Variants in HIPK1 observed in about 807,000 individuals in gnomAD.
HIPK1 encodes the protein homeodomain interacting protein kinase 1.
In HIPK1, 28 loss-of-function variants were observed where a neutral mutation model predicts 117.1. The ratio of observed to expected loss-of-function variants is 0.24; its 90% CI spans 0.18 to 0.33. The LOEUF is 0.33. HIPK1 is among the 10% of genes least tolerant of loss of function. HIPK1 has a pLI of 1.00. For synonymous variants in HIPK1, 605 were observed against 562.5 expected (o/e 1.08, Z -1.07); for missense variants, 1,122 against 1,475.1 (o/e 0.76, Z 3.92).
intron 1 of HIPK1, 156 bp downstream of exon 1, chr1:113,929,688 C>T: frequency 1.2e-6 from 1 of 860,418 alleles, no homozygotes; most frequent in Non-Finnish European, 1.5e-6. Context: ...AGCAGGAGGC[C>T]GAGGCGGGAG....
At chr1:113,969,720 C>T (rs745415838) in intron 13 of HIPK1, among the ~76,000 whole-genome samples, 7 of 151,868 alleles carry the variant, frequency 4.6e-5, no homozygotes, top group Non-Finnish European at 8.8e-5. Flanking sequence ...GACCAGCCTG[C>T]GAAACATAGT....
At chr1:113,952,040 G>A (rs769784672) in intron 2 of HIPK1, among the ~76,000 whole-genome samples, 34 of 147,380 alleles carry the variant, frequency 2.3e-4, no homozygotes, top group Non-Finnish European at 4.6e-4. Context: ...CTGGGTTCAA[G>A]CGATTCTTTT....
In HIPK1 at chr1:113,956,535, T is replaced by C. The variant is rs935105540; in HGVS notation, c.1408-92T>C. ...CAGGTTTCTCTTTTGATTACATATA[T>C]ACACACACACATAGTTTGGAGGGAA... On this transcript the variant is annotated intron_variant, in intron 5 of 15. Coordinates refer to ENST00000426820, the MANE Select transcript of HIPK1 (RefSeq NM_198268.3). 9.8e-6 allele frequency: 8 copies of C among 820,054 alleles called. No homozygotes were observed. In the South Asian group the frequency reaches 1.1e-4, roughly 11 times the overall value. The allele number at this position is 820,054 out of a possible 1,614,324, so 50.8% of individuals were successfully genotyped here. A position where few individuals can be genotyped will look rare whatever the true frequency, so the allele number is the denominator to read the frequency against.
At chr1:113,962,117 T>C (rs937585936) in intron 8 of HIPK1, among the ~76,000 whole-genome samples, 200 bp from the exon 9 acceptor site, 10 of 152,156 alleles carry the variant, frequency 6.6e-5, no homozygotes, top group African/African-American at 2.4e-4. Context: ...TCAAACATCT[T>C]TCCATTAACC....
chr1:113,962,233 A>G, intron 8 of HIPK1, 84 bp from the exon 9 acceptor site: 7 of 1,387,020 alleles, frequency 5.0e-6, no homozygotes, highest in Non-Finnish European at 7.0e-6. Context: ...GATTATTTGA[A>G]CAGAGAAGCT....
chr1:113,964,381 C>T lies in HIPK1; in HGVS notation c.2238+860C>T, dbSNP rs570985579. Among the ~76,000 whole-genome samples the T allele has an allele frequency of 1.6e-3, 244 of 152,264 alleles. 1 individual carries two copies. The highest frequency in any genetic ancestry group is 5.6e-3 in the African/African-American group (234 of 41,550). On this transcript the variant is annotated intron_variant, in intron 10 of 15. Transcript: ENST00000426820. ...GTACTGGGCTTAGAGATAGAAAAAA[C>T]AACCAAGACTTTGAGGTGTGTTTCA... is the stretch of plus-strand genomic sequence containing the variant.
rs1391219893 is a variant in HIPK1 at position 113,974,031 on chromosome 1, G to A, written c.*519G>A. On this transcript the variant is annotated 3_prime_UTR_variant, in exon 16 of 16. Coordinates refer to ENST00000426820, the MANE Select transcript of HIPK1 (RefSeq NM_198268.3). ...ACTTGCCTATTTTATTTTAAAAGCG[G>A]CTTACACAATCTCCCTTTTGTTTAT... 2.6e-5 allele frequency: 4 copies of A among 152,370 alleles called. No homozygotes were observed. The highest frequency in any genetic ancestry group is 1.5e-5 in the Non-Finnish European group (1 of 68,078). 9.4% of individuals were successfully genotyped at this position (152,370 alleles called of 1,614,324 possible).
rs1672603575 is a variant in HIPK1 at position 113,968,491 on chromosome 1, A to G, written c.2614A>G (p.Ser872Gly). ...PSQVYSLVGS[S>G]PLRTTSSYNS... is the part of the protein sequence containing the mutation. ...CCAAGTCTATTCTCTGGTTGGGAGC[A>G]GTCCCCTCCGCACCACATCTTCTTA... is the stretch of plus-strand genomic sequence containing the variant. The change falls in exon 13 of 16, where the codon AGT (serine) becomes GGT (glycine). Residue 872 changes from serine (S) to glycine (G), a missense_variant. Ser to Gly is a moderately conservative substitution (Grantham distance 56, BLOSUM62 0). This residue lies in a region of HIPK1 where 731 missense variants were observed against 860.4 expected (regional missense o/e 0.85). Transcript: ENST00000426820. The G allele has an allele frequency of 6.2e-7, 1 of 1,614,030 alleles. No individual in the cohort carries two copies. Among genetic ancestry groups the G allele is most frequent in the African/African-American group, 1.3e-5 (1 of 74,936 alleles).
chr1:113,943,274 C>T (rs866249759), intron 2 of HIPK1, among the ~76,000 whole-genome samples: 1 of 152,196 alleles, frequency 6.6e-6, no homozygotes, highest in Non-Finnish European at 1.5e-5. Flanking sequence ...AACCATTAAG[C>T]AATAACTCCC....
At chr1:113,952,916 A>G in intron 3 of HIPK1, 27 bp downstream of exon 3, 1 of 1,456,568 alleles carries the variant, frequency 6.9e-7, no homozygotes. Flanking sequence ...GAATGGAAAT[A>G]GAATGCAAAT....
At chr1:113,948,388 A>T (rs1468238369) in intron 2 of HIPK1, among the ~76,000 whole-genome samples, 2 of 151,978 alleles carry the variant, frequency 1.3e-5, no homozygotes, top group Admixed American at 1.3e-4. Context: ...AGTAGCTAGA[A>T]CTGCAGGCAT....
At chr1:113,957,048 C>A in intron 6 of HIPK1, 76 bp from the exon 7 acceptor site, 2 of 1,233,384 alleles carry the variant, frequency 1.6e-6, no homozygotes, top group Non-Finnish European at 2.3e-6. Context: ...AAGCTTTGAT[C>A]CATGTTCATC....
chr1:113,936,544 A>G (rs1042760081), intron 1 of HIPK1, among the ~76,000 whole-genome samples: 5 of 151,926 alleles, frequency 3.3e-5, no homozygotes, highest in African/African-American at 1.2e-4. Context: ...AGCTCACTAC[A>G]ACCTCTGCCT....
intron 2 of HIPK1, among the ~76,000 whole-genome samples, chr1:113,947,328 C>T (rs1030256051): frequency 6.6e-6 from 1 of 152,162 alleles, no homozygotes; most frequent in African/African-American, 2.4e-5. Flanking sequence ...CCCTACTGAA[C>T]AAACTAGCCA....
chr1:113,952,718 C>A (rs768973669), intron 2 of HIPK1, 48 bp from the exon 3 acceptor site: 6 of 1,307,714 alleles, frequency 4.6e-6, no homozygotes, highest in Non-Finnish European at 6.0e-6. Context: ...TTAATTTTCC[C>A]AAATAATGTT....
chr1:113,961,454 AATAT>A lies in HIPK1; in HGVS notation c.1982-860_1982-857del, dbSNP rs553473989. ...TCAGTTCATGCCTGGTTAAGGATAA[AATAT>A]ATGACTGATTTATGGACTAGGTTAT... On this transcript the variant is annotated intron_variant, in intron 8 of 15. Coordinates refer to ENST00000426820, the MANE Select transcript of HIPK1 (RefSeq NM_198268.3). Among the ~76,000 whole-genome samples, 149 of 152,350 alleles carry A rather than the reference AATAT, an allele frequency of 9.8e-4. 1 individual carries two copies. The highest frequency in any genetic ancestry group is 3.4e-3 in the Middle Eastern group (1 of 294).
chr1:113,934,784 GAA>G (rs564619583), intron 1 of HIPK1, among the ~76,000 whole-genome samples: 30 of 51,552 alleles, frequency 5.8e-4, no homozygotes, highest in Middle Eastern at 0.012. Flanking sequence ...CCTCATCTCT[GAA>G]AAAAAAAAAA....
Position 113,970,018 on chromosome 1 carries a change from C to CT in HIPK1, c.2835dup (p.Asp946Ter). On this transcript the variant is annotated frameshift_variant, in exon 14 of 16. Transcript: ENST00000426820. LOFTEE classifies it high-confidence loss of function. ...GTCACTGTCAATGATTCTCCAGACT[C>CT]TGACTCTTCTTTGAGCAGCCCTTAT... is the stretch of plus-strand genomic sequence containing the variant. 6.2e-7 allele frequency: 1 copy of CT among 1,614,188 alleles called. No homozygotes were observed. Among genetic ancestry groups the CT allele is most frequent in the Non-Finnish European group, 8.5e-7 (1 of 1,179,992 alleles).
intron 3 of HIPK1, 62 bp downstream of exon 3, chr1:113,952,951 A>C: frequency 7.2e-7 from 1 of 1,381,384 alleles, no homozygotes; most frequent in Non-Finnish European, 9.5e-7. Flanking sequence ...TAGATTCTGG[A>C]GAAAGAGAAG....
Sources: allele counts gnomAD v4.1 joint callset (sites outside exome capture counted in the v4.1 genomes callset), GRCh38; gene constraint gnomAD v4.1.1; regional missense constraint gnomAD v4.1.1; transcripts MANE v1.5; gene names NCBI Gene and HGNC (gene_info 2026-07-23, HGNC 2026-07-21).